Variants in GBP7 observed in about 807,000 individuals in gnomAD.
The protein encoded by GBP7 is guanylate-binding protein 7.
Under a neutral mutation model 61.3 loss-of-function variants are expected in GBP7, and 43 were observed. The ratio of observed to expected loss-of-function variants is 0.70; its 90% CI spans 0.55 to 0.91. The LOEUF is 0.91. Among genes scored for constraint, GBP7 ranks in the 40% least tolerant of loss-of-function variants. The pLI is 0.00. For missense variants in GBP7, 717 were observed against 740.5 expected, an observed-to-expected ratio of 0.97 and a Z score of 0.37; for synonymous variants, 267 against 271.0, an observed-to-expected ratio of 0.99 and a Z score of 0.14.
Position 89,152,785 on chromosome 1 carries a change from T to G in GBP7, c.319-8A>C. ...GTCACTCTTAGGGTCACTCTAGTGT[T>G]AAAGAAAAAAAAAAAAAAAATGGAA... On this transcript the variant is annotated splice_polypyrimidine_tract_variant and splice_region_variant and intron_variant, in intron 3 of 10. Transcript: ENST00000294671. The G allele has an allele frequency of 7.1e-7, 1 of 1,412,336 alleles. No individual in the cohort carries two copies. The highest frequency in any genetic ancestry group is 9.3e-7 in the Non-Finnish European group (1 of 1,075,218). 87.5% of individuals were successfully genotyped at this position (1,412,336 alleles called of 1,614,324 possible).
chr1:89,133,575 T>C, intron 9 of GBP7, 124 bp from the exon 10 acceptor site: 1 of 732,382 alleles, frequency 1.4e-6, no homozygotes, highest in Admixed American at 2.6e-5. Flanking sequence ...TAAAGAAGAC[T>C]GATAAACTCC....
At chr1:89,139,613 C>T (rs1681886629) in intron 9 of GBP7, among the ~76,000 whole-genome samples, 1 of 152,082 alleles carries the variant, frequency 6.6e-6, no homozygotes, top group Non-Finnish European at 1.5e-5. Flanking sequence ...AAAACAACCC[C>T]ATCAAAAAGT....
At chr1:89,148,676 T>C (rs1682121948) in intron 7 of GBP7, among the ~76,000 whole-genome samples, 1 of 152,184 alleles carries the variant, frequency 6.6e-6, no homozygotes, top group African/African-American at 2.4e-5. Flanking sequence ...CCCCTGAGCA[T>C]ACAGGTAAGA....
intron 3 of GBP7, among the ~76,000 whole-genome samples, chr1:89,156,259 G>T (rs1286910916): frequency 6.6e-6 from 1 of 152,172 alleles, no homozygotes; most frequent in Non-Finnish European, 1.5e-5. Context: ...ATGCCAAATT[G>T]TAAAGACCAT....
At chr1:89,163,810 TC>T (rs1647342638) in intron 3 of GBP7, among the ~76,000 whole-genome samples, 1 of 151,964 alleles carries the variant, frequency 6.6e-6, no homozygotes, top group South Asian at 2.1e-4. Context: ...TTATAAATGT[TC>T]CCGGTATAGC....
intron 9 of GBP7, among the ~76,000 whole-genome samples, chr1:89,136,202 C>T (rs921630275): frequency 6.6e-6 from 1 of 152,132 alleles, no homozygotes; most frequent in Non-Finnish European, 1.5e-5. Context: ...TAGATAACCA[C>T]ACAATAATAG....
At chr1:89,134,750 A>G (rs1206834879) in intron 9 of GBP7, among the ~76,000 whole-genome samples, 2 of 152,238 alleles carry the variant, frequency 1.3e-5, no homozygotes, top group Non-Finnish European at 2.9e-5. Context: ...CAGATGAGAA[A>G]GAAACAGGGA....
intron 8 of GBP7, among the ~76,000 whole-genome samples, chr1:89,143,810 C>T (rs1259516641): frequency 6.6e-6 from 1 of 152,178 alleles, no homozygotes; most frequent in Admixed American, 6.5e-5. Context: ...CCCCATGATC[C>T]AAACACCTCC....
In GBP7 at chr1:89,171,871, A is replaced by G; in HGVS notation, c.65T>C (p.Val22Ala). Residue 22 changes from valine to alanine, a missense_variant, in exon 2 of 11, where the codon GTG becomes GCG. Around this residue, in one of 3 missense-constraint regions of GBP7, gnomAD observed 387 missense variants for 385.2 expected, o/e 1.00. Transcript: ENST00000294671. ...CLTENTKGHL[V>A]VNSEALEILS... ...GATTTCCAGAGCTTCTGAATTCACCACCAGATGCCCTTTAGTGTTCTCAGT... is the reference window on the plus strand; with the variant it reads ...GATTTCCAGAGCTTCTGAATTCACCGCCAGATGCCCTTTAGTGTTCTCAGT... 2 of 1,613,674 alleles carry G rather than the reference A, an allele frequency of 1.2e-6. No homozygotes were observed. The highest frequency in any genetic ancestry group is 2.2e-5 in the East Asian group (1 of 44,880).
At chr1:89,139,826 A>C (rs1681891072) in intron 9 of GBP7, among the ~76,000 whole-genome samples, 1 of 152,154 alleles carries the variant, frequency 6.6e-6, no homozygotes, top group Non-Finnish European at 1.5e-5. Flanking sequence ...AAATAGGAAC[A>C]CTTTTACCCT....
intron 4 of GBP7, 34 bp downstream of exon 4, chr1:89,152,634 A>G (rs902715983): frequency 8.8e-6 from 14 of 1,597,946 alleles, no homozygotes; most frequent in African/African-American, 1.3e-5. Context: ...CCTAAACTCC[A>G]TAAAACCTGG....
intron 9 of GBP7, among the ~76,000 whole-genome samples, chr1:89,140,709 A>G (rs941087771): frequency 3.9e-5 from 6 of 152,202 alleles, no homozygotes; most frequent in Admixed American, 3.9e-4. Flanking sequence ...TATATACCCA[A>G]AGGAAAATAA....
chr1:89,140,512 C>G (rs1225503986), intron 9 of GBP7, among the ~76,000 whole-genome samples: 1 of 148,420 alleles, frequency 6.7e-6, no homozygotes, highest in Non-Finnish European at 1.5e-5. Flanking sequence ...CATCTCATAC[C>G]AGTCAGAATG....
chr1:89,150,366 T>C lies in GBP7; in HGVS notation c.835A>G (p.Lys279Glu). 6.2e-7 allele frequency: 1 copy of C among 1,614,008 alleles called. No individual in the cohort carries two copies. Among genetic ancestry groups the C allele is most frequent in the South Asian group, 1.1e-5 (1 of 91,084 alleles). The stretch of plus-strand genomic sequence containing the variant: ...ACAAGGATTCCCTCTCTCAGGGTCT[T>C]GGTCTTTGCATGGGTGAAGATATAA... ...CSYIFTHAKT[K>E]TLREGILVTG... The change falls in exon 6 of 11, where the codon AAG becomes GAG. Residue 279 changes from lysine (K) to glutamate (E), a missense_variant. Coordinates refer to ENST00000294671, the MANE Select transcript of GBP7 (RefSeq NM_207398.3).
At chr1:89,141,491 G>A in intron 9 of GBP7, 55 bp downstream of exon 9, 1 of 1,465,986 alleles carries the variant, frequency 6.8e-7, no homozygotes. Context: ...TGAACATCAA[G>A]AGAGTGTTGC....
intron 9 of GBP7, among the ~76,000 whole-genome samples, chr1:89,136,433 T>TAA (rs371940252): frequency 6.8e-6 from 1 of 146,136 alleles, no homozygotes; most frequent in Non-Finnish European, 1.5e-5. Flanking sequence ...TCTCAACAAA[T>TAA]AAAAAAAAAA....
intron 9 of GBP7, among the ~76,000 whole-genome samples, chr1:89,140,352 A>G (rs2100638934): frequency 6.6e-6 from 1 of 151,432 alleles, no homozygotes; most frequent in East Asian, 1.9e-4. Context: ...ATGATGAGTT[A>G]ATGGGTGCAG....
At chr1:89,145,496 A>T (rs1682044019) in intron 8 of GBP7, among the ~76,000 whole-genome samples, 1 of 152,050 alleles carries the variant, frequency 6.6e-6, no homozygotes, top group Non-Finnish European at 1.5e-5. Flanking sequence ...GGTTGTTTTC[A>T]TGTCTTGGCT....
At chr1:89,169,501 A>G (rs1166699676) in intron 2 of GBP7, among the ~76,000 whole-genome samples, 1 of 152,234 alleles carries the variant, frequency 6.6e-6, no homozygotes, top group Admixed American at 6.5e-5. Flanking sequence ...ACTATAGTTC[A>G]TCTGTCATTA....
Sources: allele counts gnomAD v4.1 joint callset (sites outside exome capture counted in the v4.1 genomes callset), GRCh38; gene constraint gnomAD v4.1.1; regional missense constraint gnomAD v4.1.1; transcripts MANE v1.5; gene names NCBI Gene and HGNC (gene_info 2026-07-23, HGNC 2026-07-21).